NAA30: variants seen among roughly 807,000 people sequenced by gnomAD.
The protein encoded by NAA30 is N-alpha-acetyltransferase 30.
Under a neutral mutation model 31.4 loss-of-function variants are expected in NAA30, and 5 were observed. That is an observed-to-expected ratio of 0.16 (90% CI 0.08 to 0.33). The LOEUF (loss-of-function observed/expected upper bound fraction) is 0.33, where lower values mean the gene tolerates loss of function less well. Among genes scored for constraint, NAA30 ranks in the 10% least tolerant of loss-of-function variants. The probability of loss-of-function intolerance (pLI) is 1.00; values close to 1 mark genes in which losing one functional copy is unlikely to be tolerated. For synonymous variants in NAA30, 222 were observed against 207.1 expected (o/e 1.07, Z -0.62); for missense variants, 428 against 490.8 (o/e 0.87, Z 1.21).
intron 4 of NAA30, among the ~76,000 whole-genome samples, chr14:57,401,198 C>T (rs1017286450): frequency 2.0e-5 from 3 of 151,902 alleles, no homozygotes; most frequent in African/African-American, 4.8e-5. Context: ...AATGCATTTC[C>T]GTGTTAGAAT....
chr14:57,395,629 T>C (rs2066447220), intron 2 of NAA30, among the ~76,000 whole-genome samples: 1 of 152,182 alleles, frequency 6.6e-6, no homozygotes, highest in African/African-American at 2.4e-5. Context: ...TGGGGGATGA[T>C]TAGAATTTAA....
chr14:57,412,484 A>G lies in NAA30; in HGVS notation c.*2968A>G, dbSNP rs2066528170. 6.6e-6 allele frequency: 1 copy of G among 152,238 alleles called. No individual in the cohort carries two copies. Among genetic ancestry groups the G allele is most frequent in the Non-Finnish European group, 1.5e-5 (1 of 68,038 alleles). 9.4% of individuals were successfully genotyped at this position (152,238 alleles called of 1,614,324 possible). A position where few individuals can be genotyped will look rare whatever the true frequency, so the allele number is the denominator to read the frequency against. On this transcript the variant is annotated 3_prime_UTR_variant, in exon 5 of 5. Coordinates refer to ENST00000556492, the MANE Select transcript of NAA30 (RefSeq NM_001011713.3). ...CATCAGAGTTACTTTTCAGTGCACC[A>G]TGACATCACTAAAATGAGTGCTGTA...
rs941788920 is a variant in NAA30, at chr14:57,395,366, A to G, written c.772-1386A>G. Among the ~76,000 whole-genome samples, 7 of 152,314 alleles carry G rather than the reference A, an allele frequency of 4.6e-5. 1 individual carries two copies. The South Asian group carries it at 1.2e-3, about 27-fold the overall frequency. ...AGAATGACAGACTAAAAAAGTCACAAATTTAAAATATGTATTAATTATAAA... is the reference window on the plus strand; with the variant it reads ...AGAATGACAGACTAAAAAAGTCACAGATTTAAAATATGTATTAATTATAAA... On this transcript the variant is annotated intron_variant, in intron 2 of 4. Coordinates refer to ENST00000556492, the MANE Select transcript of NAA30 (RefSeq NM_001011713.3).
rs185165873 is a variant in NAA30 at position 57,391,191 on chromosome 14, G to T, written c.234G>T (p.Pro78=). Residue 78 remains proline (P), a synonymous_variant, in exon 2 of 5, where the codon CCG becomes CCT. Transcript: ENST00000556492. This position sits in a 1 kb window ranked among gnomAD's most constrained non-coding sequence, Gnocchi z 4.1. ...CGTGCCTCCGCTGCCCTCAGCCGCC[G>T]CAGGAGCAGCAGCAGCTCAACGGAT... ...GHPCLRCPQP[P]QEQQQLNGLI... is the part of the protein sequence containing the mutation. 6.2e-7 allele frequency: 1 copy of T among 1,611,052 alleles called. No individual in the cohort carries two copies. Among genetic ancestry groups the T allele is most frequent in the Non-Finnish European group, 8.5e-7 (1 of 1,179,712 alleles).
At chr14:57,403,943 T>G (rs1049296987) in intron 4 of NAA30, among the ~76,000 whole-genome samples, 1 of 152,226 alleles carries the variant, frequency 6.6e-6, no homozygotes, top group African/African-American at 2.4e-5. Flanking sequence ...CCTCGATTTT[T>G]AAGCCATTGA....
In NAA30 at chr14:57,414,807, C is replaced by T. The variant is rs1436499246; in HGVS notation, c.*5291C>T. 6.6e-6 allele frequency: 1 copy of T among 152,174 alleles called. No homozygotes were observed. Among genetic ancestry groups the T allele is most frequent in the Non-Finnish European group, 1.5e-5 (1 of 68,024 alleles). The allele number at this position is 152,174 out of a possible 1,614,324, so 9.4% of individuals were successfully genotyped here. On this transcript the variant is annotated 3_prime_UTR_variant, in exon 5 of 5. Coordinates refer to ENST00000556492, the MANE Select transcript of NAA30 (RefSeq NM_001011713.3). The stretch of plus-strand genomic sequence containing the variant: ...AAGACAGTGCCAGGCTTGGTACAAC[C>T]TGTTAACACTGTTGAGGAAAGAGCT...
chr14:57,403,887 T>C (rs1232009440), intron 4 of NAA30, among the ~76,000 whole-genome samples: 1 of 152,236 alleles, frequency 6.6e-6, no homozygotes, highest in Non-Finnish European at 1.5e-5. Flanking sequence ...TGAAGTAAAT[T>C]AGAATATGGG....
At chr14:57,397,582 T>A (rs762331829) in intron 3 of NAA30, among the ~76,000 whole-genome samples, 1 of 152,206 alleles carries the variant, frequency 6.6e-6, no homozygotes, top group Non-Finnish European at 1.5e-5. Context: ...ACCACTCTTC[T>A]ATGGCTGGGT....
intron 2 of NAA30, among the ~76,000 whole-genome samples, chr14:57,394,308 T>C (rs902187731): frequency 1.3e-5 from 2 of 152,162 alleles, no homozygotes; most frequent in African/African-American, 4.8e-5. Context: ...CCTCCAGTTT[T>C]CTATTTGTAG....
At chr14:57,401,503 A>T (rs1338381939) in intron 4 of NAA30, among the ~76,000 whole-genome samples, 1 of 152,238 alleles carries the variant, frequency 6.6e-6, no homozygotes, top group Admixed American at 6.5e-5. Flanking sequence ...AGATATGTTC[A>T]TGAGTATAGG....
chr14:57,403,112 T>C (rs4898934), intron 4 of NAA30, among the ~76,000 whole-genome samples: 109,321 of 151,828 alleles, frequency 0.72, 44,978 homozygotes, highest in Non-Finnish European at 0.89. Context: ...ACCCGAGAGG[T>C]GGAAGTTGCA....
Position 57,409,549 on chromosome 14 carries a change from A to G in NAA30, c.*33A>G. On this transcript the variant is annotated 3_prime_UTR_variant, in exon 5 of 5. Transcript: ENST00000556492. ...ACATCAAGGAACAACTATCATCCGC[A>G]CAGAATCGACCTTTGCATGCAATGC... 1 of 1,570,832 alleles carries G rather than the reference A, an allele frequency of 6.4e-7. No homozygotes were observed.
intron 2 of NAA30, among the ~76,000 whole-genome samples, chr14:57,393,493 C>G (rs60509583): frequency 1.1e-4 from 16 of 151,960 alleles, no homozygotes; most frequent in Non-Finnish European, 2.1e-4. Flanking sequence ...AAAACTGAAG[C>G]CTTTATCTTG....
intron 2 of NAA30, among the ~76,000 whole-genome samples, chr14:57,394,099 T>C (rs2066440992): frequency 8.9e-6 from 1 of 112,360 alleles, no homozygotes; most frequent in Admixed American, 1.2e-4. Context: ...TCTTCCTAAT[T>C]GTAAAAGATG....
rs2066520842 is a variant in NAA30, at chr14:57,411,106, G to T, written c.*1590G>T. 1.3e-5 allele frequency: 2 copies of T among 148,792 alleles called. No homozygotes were observed. Among genetic ancestry groups the T allele is most frequent in the African/African-American group, 5.0e-5 (2 of 40,236 alleles). 9.2% of individuals were successfully genotyped at this position (148,792 alleles called of 1,614,324 possible). A position where few individuals can be genotyped will look rare whatever the true frequency, so the allele number is the denominator to read the frequency against. ...AAAGCTGCTCTTTGCTCAGTATAGT[G>T]TTTTGAAAGTGAACATAGTAACAAA... On this transcript the variant is annotated 3_prime_UTR_variant, in exon 5 of 5. Transcript: ENST00000556492.
intron 2 of NAA30, 136 bp from the exon 3 acceptor site, chr14:57,396,615 TG>T: frequency 1.3e-6 from 1 of 755,354 alleles, no homozygotes; most frequent in Non-Finnish European, 2.2e-6. Context: ...GAAACTTCTG[TG>T]ACTGCTGTCT....
intron 4 of NAA30, among the ~76,000 whole-genome samples, chr14:57,405,032 C>G (rs1415230945): frequency 6.6e-6 from 1 of 152,120 alleles, no homozygotes; most frequent in East Asian, 1.9e-4. Context: ...ATGTAACTTG[C>G]GGCAGACTGT....
At position 57,413,847 on chromosome 14, in the gene NAA30, A is replaced by G. The variant is rs1335502003; in HGVS notation, c.*4331A>G. 6.6e-6 allele frequency: 1 copy of G among 152,232 alleles called. No individual in the cohort carries two copies. Among genetic ancestry groups the G allele is most frequent in the African/African-American group, 2.4e-5 (1 of 41,460 alleles). The allele number at this position is 152,232 out of a possible 1,614,324, so 9.4% of individuals were successfully genotyped here. On this transcript the variant is annotated 3_prime_UTR_variant, in exon 5 of 5. Transcript: ENST00000556492. ...AAAAAGTTTTTTAAAAGATCTCATA[A>G]GCATATAGCACTGCTACACTTTAGA...
rs2066430027 is a variant in NAA30, at chr14:57,391,965, G to T, written c.771+237G>T. ...CTGCAGCAAGCCTGTATGGTGGCGT[G>T]TTTCACTGGGGTGGGGGTCTTGTGT... is the stretch of plus-strand genomic sequence containing the variant. On this transcript the variant is annotated intron_variant, in intron 2 of 4. Coordinates refer to ENST00000556492, the MANE Select transcript of NAA30 (RefSeq NM_001011713.3). The surrounding 1 kb of genome is among the most constrained non-coding windows in gnomAD (Gnocchi z 4.1). Among the ~76,000 whole-genome samples, 1 of 152,216 alleles carries T rather than the reference G, an allele frequency of 6.6e-6. No individual in the cohort carries two copies. The highest frequency in any genetic ancestry group is 2.4e-5 in the African/African-American group (1 of 41,446).
Sources: allele counts gnomAD v4.1 joint callset (sites outside exome capture counted in the v4.1 genomes callset), GRCh38; gene constraint gnomAD v4.1.1; non-coding constraint Gnocchi (gnomAD v3.1); transcripts MANE v1.5; gene names NCBI Gene and HGNC (gene_info 2026-07-23, HGNC 2026-07-21).